Variants in PRKRA observed in about 807,000 individuals in gnomAD.
PRKRA encodes protein activator of interferon induced protein kinase EIF2AK2, also known as interferon-inducible double-stranded RNA-dependent protein kinase activator A.
PRKRA carries 22 observed loss-of-function variants against 32.4 expected under a neutral mutation model. The ratio of observed to expected loss-of-function variants is 0.68; its 90% CI spans 0.49 to 0.97. The LOEUF (loss-of-function observed/expected upper bound fraction) is 0.97. Ranked by LOEUF, PRKRA falls within the 50% of genes least tolerant of loss-of-function variation. PRKRA has a pLI of 0.00. For synonymous variants in PRKRA, 139 were observed against 129.8 expected (o/e 1.07, Z -0.48); for missense variants, 319 against 375.6 (o/e 0.85, Z 1.25).
chr2:178,445,368 T>C (rs1575097183), intron 3 of PRKRA: 1 of 152,228 alleles, frequency 6.6e-6, no homozygotes, highest in African/African-American at 2.4e-5. Flanking sequence ...GTTTTTTTTT[T>C]CCAACTGTGA....
Position 178,431,998 on chromosome 2 carries a change from G to A in PRKRA, c.*99C>T. The A allele has an allele frequency of 7.4e-7, 1 of 1,355,706 alleles. No individual in the cohort carries two copies. Among genetic ancestry groups the A allele is most frequent in the Non-Finnish European group, 1.0e-6 (1 of 965,822 alleles). The allele number at this position is 1,355,706 out of a possible 1,614,324, so 84.0% of individuals were successfully genotyped here. On this transcript the variant is annotated 3_prime_UTR_variant, in exon 8 of 8. Transcript: ENST00000325748. Reference sequence around the variant, plus strand: ...TTGATGGAATCTATGAAGAGATTTAGAAACAAGACATAAACACTACGGTAA... The same window carrying A: ...TTGATGGAATCTATGAAGAGATTTAAAAACAAGACATAAACACTACGGTAA...
intron 7 of PRKRA, chr2:178,434,174 G>A (rs748871666): frequency 6.6e-5 from 10 of 151,186 alleles, no homozygotes; most frequent in Non-Finnish European, 1.0e-4. Context: ...GCAGTGGCGC[G>A]ATCTCGGTTC....
intron 2 of PRKRA, chr2:178,450,027 T>TA (rs1250159678): frequency 9.1e-6 from 6 of 657,252 alleles, no homozygotes; most frequent in Non-Finnish European, 1.6e-5. Flanking sequence ...GGTAACTTTT[T>TA]AGTTTCTAAG....
At chr2:178,445,261 A>T (rs757675338) in intron 3 of PRKRA, among the ~76,000 whole-genome samples, 6 of 152,244 alleles carry the variant, frequency 3.9e-5, no homozygotes, top group Non-Finnish European at 8.8e-5. Flanking sequence ...GTCAGTACTT[A>T]AAACTGAATA....
At chr2:178,446,909 C>T (rs1017061944) in intron 3 of PRKRA, among the ~76,000 whole-genome samples, 6 of 143,276 alleles carry the variant, frequency 4.2e-5, no homozygotes, top group Admixed American at 1.5e-4. Context: ...AGGAGAATGG[C>T]GTGAACCCGG....
rs1697140452 is a variant in PRKRA at position 178,442,116 on chromosome 2, C to T, written c.515-412G>A. Among the ~76,000 whole-genome samples, 3 of 152,246 alleles carry T rather than the reference C, an allele frequency of 2.0e-5. 1 individual carries two copies. Among genetic ancestry groups the T allele is most frequent in the Non-Finnish European group, 4.4e-5 (3 of 68,016 alleles). Reference sequence around the variant, plus strand: ...GCCAGGCTGGTCTCAAACTCCTTACCTCATATGATCGGCCCACCTCAGCCT... The same window carrying T: ...GCCAGGCTGGTCTCAAACTCCTTACTTCATATGATCGGCCCACCTCAGCCT... On this transcript the variant is annotated intron_variant, in intron 5 of 7. Transcript: ENST00000325748.
chr2:178,433,810 A>G (rs549298391), intron 7 of PRKRA: 38 of 152,100 alleles, frequency 2.5e-4, no homozygotes, highest in African/African-American at 8.4e-4. Flanking sequence ...TCCTTTGGAG[A>G]ATATCTAGGT....
intron 6 of PRKRA, among the ~76,000 whole-genome samples, chr2:178,437,490 C>G (rs1442246626): frequency 6.6e-5 from 10 of 152,170 alleles, no homozygotes; most frequent in Non-Finnish European, 5.9e-5. Context: ...TTACGGATCT[C>G]CAACTGTGAG....
chr2:178,447,800 T>A (rs1184472188), intron 2 of PRKRA, among the ~76,000 whole-genome samples: 1 of 152,160 alleles, frequency 6.6e-6, no homozygotes, highest in African/African-American at 2.4e-5. Flanking sequence ...TGTGAAAAAA[T>A]TTTAAAAAAT....
chr2:178,437,385 A>C (rs1696943089), intron 6 of PRKRA, among the ~76,000 whole-genome samples: 2 of 150,358 alleles, frequency 1.3e-5, no homozygotes, highest in Non-Finnish European at 2.9e-5. Flanking sequence ...ATGCATATGC[A>C]AGCACACACA....
intron 2 of PRKRA, among the ~76,000 whole-genome samples, chr2:178,449,225 A>C (rs1212639951): frequency 2.0e-5 from 3 of 150,686 alleles, no homozygotes; most frequent in African/African-American, 7.4e-5. Flanking sequence ...CCTATCTAGA[A>C]ATAGACTAGC....
intron 6 of PRKRA, among the ~76,000 whole-genome samples, chr2:178,438,301 G>A (rs1046514407): frequency 6.6e-6 from 1 of 151,864 alleles, no homozygotes; most frequent in Non-Finnish European, 1.5e-5. Flanking sequence ...AAGGAATAAG[G>A]AAGCATTCTA....
intron 4 of PRKRA, chr2:178,443,741 C>G (rs540735802): frequency 4.2e-6 from 1 of 237,332 alleles, no homozygotes; most frequent in Admixed American, 5.0e-5. Flanking sequence ...TCCCTCCCCT[C>G]CTAGCTATAG....
chr2:178,442,061 A>G (rs1697139108), intron 5 of PRKRA, among the ~76,000 whole-genome samples: 1 of 151,606 alleles, frequency 6.6e-6, no homozygotes, highest in Non-Finnish European at 1.5e-5. Flanking sequence ...GATTTTTTGT[A>G]TTTAGTACAG....
chr2:178,449,358 A>G (rs1040248365), intron 2 of PRKRA, among the ~76,000 whole-genome samples: 1 of 152,216 alleles, frequency 6.6e-6, no homozygotes. Flanking sequence ...CAATTAAAAT[A>G]AAAGACTCCA....
intron 4 of PRKRA, 196 bp from the exon 5 acceptor site, chr2:178,443,580 A>T: frequency 2.0e-6 from 1 of 499,528 alleles, no homozygotes; most frequent in South Asian, 2.1e-5. Flanking sequence ...CAATACCAAA[A>T]CTGAAGCAGT....
chr2:178,439,888 T>C (rs1697048137), intron 6 of PRKRA: 2 of 152,196 alleles, frequency 1.3e-5, no homozygotes. Flanking sequence ...AAACCCTACT[T>C]GTCAATGCTA....
rs1697370507 is a variant in PRKRA at position 178,447,589 on chromosome 2, GAA to G, written c.236-5_236-4del. The G allele has an allele frequency of 1.9e-6, 3 of 1,613,368 alleles. No homozygotes were observed. The highest frequency in any genetic ancestry group is 2.2e-5 in the East Asian group (1 of 44,858). ...CAGCTTCTTACTTGTACCTTCACCT[GAA>G]TTAAGATTTAAAAAAAGAAGTCTTT... On this transcript the variant is annotated splice_region_variant and splice_polypyrimidine_tract_variant and intron_variant, in intron 2 of 7. Transcript: ENST00000325748.
intron 6 of PRKRA, among the ~76,000 whole-genome samples, chr2:178,440,989 G>T (rs1437363350): frequency 6.6e-6 from 1 of 152,168 alleles, no homozygotes. Flanking sequence ...AGGGCTCCTA[G>T]ACTGCATACG....
Sources: allele counts gnomAD v4.1 joint callset (sites outside exome capture counted in the v4.1 genomes callset), GRCh38; gene constraint gnomAD v4.1.1; transcripts MANE v1.5; gene names NCBI Gene and HGNC (gene_info 2026-07-23, HGNC 2026-07-21).